GP2: variants seen among roughly 807,000 people sequenced by gnomAD.
GP2 encodes the protein glycoprotein 2.
GP2 carries 58 observed loss-of-function variants against 60.8 expected under a neutral mutation model. The observed-to-expected ratio is 0.95, with a 90% CI of 0.77 to 1.19. The LOEUF is 1.19. Among genes scored for constraint, GP2 ranks in the 50% most tolerant of loss-of-function variants. The probability of loss-of-function intolerance (pLI) is 0.00; values close to 1 mark genes in which losing one functional copy is unlikely to be tolerated. For missense variants in GP2, 647 were observed against 667.4 expected, an observed-to-expected ratio of 0.97 and a Z score of 0.34; for synonymous variants, 280 against 253.4, an observed-to-expected ratio of 1.10 and a Z score of -1.00.
In GP2 at chr16:20,311,267, A is replaced by G. The variant is rs1344467442; in HGVS notation, c.1561T>C (p.Trp521Arg). The change falls in exon 11 of 11, where the codon TGG (tryptophan) becomes CGG (arginine). Residue 521 changes from tryptophan to arginine, a missense_variant. By Grantham distance (101) the Trp-to-Arg change is moderately radical. Coordinates refer to ENST00000302555, the MANE Select transcript of GP2 (RefSeq NM_001502.4). ...AGGACAGTCAGGAGGACCATAGGCC[A>G]GGCCACCAGGAACCCTGAAATACAA... ...TPSTAGFLVAWPMVLLTVLLA... is the reference protein window; with the variant it reads ...TPSTAGFLVARPMVLLTVLLA... 6.2e-7 allele frequency: 1 copy of G among 1,606,224 alleles called. No individual in the cohort carries two copies. The highest frequency in any genetic ancestry group is 8.5e-7 in the Non-Finnish European group (1 of 1,172,910).
At position 20,311,086 on chromosome 16, in the gene GP2, C is replaced by A; in HGVS notation, c.*137G>T. 1.6e-6 allele frequency: 1 copy of A among 614,554 alleles called. No homozygotes were observed. Among genetic ancestry groups the A allele is most frequent in the South Asian group, 1.9e-5 (1 of 52,312 alleles). The allele number at this position is 614,554 out of a possible 1,614,324, so 38.1% of individuals were successfully genotyped here. On this transcript the variant is annotated 3_prime_UTR_variant, in exon 11 of 11. Coordinates refer to ENST00000302555, the MANE Select transcript of GP2 (RefSeq NM_001502.4). ...GTTTTAAAGAAGGTGAAAGCTCTTC[C>A]CTTTTCCTAACCTAGCTTGGCCTTG...
chr16:20,320,473 T>C lies in GP2; in HGVS notation c.647A>G (p.Asp216Gly), dbSNP rs756177463. The C allele has an allele frequency of 1.9e-6, 3 of 1,608,636 alleles. No individual in the cohort carries two copies. The highest frequency in any genetic ancestry group is 1.7e-6 in the Non-Finnish European group (2 of 1,175,410). The change falls in exon 5 of 11, where the codon GAT (aspartate) becomes GGT (glycine). Residue 216 changes from aspartate (D) to glycine (G), a missense_variant and splice_region_variant. Transcript: ENST00000302555. ...CFCRQDLNSS[D>G]VHSLQPQLDC... ...TAGCTGAGGCTGCAAACTGTGGACA[T>C]CTGCAAAGCAGAGATGAAGGCAAGT...
intron 10 of GP2, among the ~76,000 whole-genome samples, chr16:20,312,675 A>G (rs1318034147): frequency 1.4e-5 from 2 of 147,800 alleles, no homozygotes; most frequent in African/African-American, 5.1e-5. Context: ...TTTTTGATGG[A>G]GTTTTGCTTT....
chr16:20,314,317 T>C (rs1405832193), intron 10 of GP2, among the ~76,000 whole-genome samples: 1 of 151,492 alleles, frequency 6.6e-6, no homozygotes, highest in African/African-American at 2.4e-5. Context: ...GCATTATCTA[T>C]CACATCACTT....
chr16:20,317,719 G>T (rs1260979232), intron 7 of GP2, among the ~76,000 whole-genome samples: 2 of 152,092 alleles, frequency 1.3e-5, no homozygotes, highest in Non-Finnish European at 2.9e-5. Context: ...TCCACATATT[G>T]CTTGGCACAT....
chr16:20,327,036 T>G (rs1166974307), intron 1 of GP2: 1 of 164,358 alleles, frequency 6.1e-6, no homozygotes, highest in Non-Finnish European at 1.3e-5. Context: ...TGGCATTTAC[T>G]TTTCTGGGAA....
Position 20,319,654 on chromosome 16 carries a change from C to A in GP2, c.973G>T (p.Val325Phe). Reference protein sequence around the residue: ...FQCAYPLDMKVSLQAALQPIV... With the variant: ...FQCAYPLDMKFSLQAALQPIV... ...GGCTGCAAGGCAGCTTGGAGGCTGA[C>A]TTTCATGTCCAGTGGGTAGGCACAT... Residue 325 changes from valine to phenylalanine, a missense_variant, in exon 6 of 11, where the codon GTC becomes TTC. By Grantham distance (50) the Val-to-Phe change is conservative. Transcript: ENST00000302555. The A allele has an allele frequency of 2.5e-6, 4 of 1,612,764 alleles. No homozygotes were observed. Among genetic ancestry groups the A allele is most frequent in the Non-Finnish European group, 3.4e-6 (4 of 1,178,756 alleles).
chr16:20,326,357 C>T lies in GP2; in HGVS notation c.75G>A (p.Gln25=), dbSNP rs531475464. Residue 25 remains glutamine (Q), a synonymous_variant, in exon 2 of 11, where the codon CAG becomes CAA. Coordinates refer to ENST00000302555, the MANE Select transcript of GP2 (RefSeq NM_001502.4). ...WLALVSCILT[Q]ASAVQRGYGN... Reference sequence around the variant, plus strand: ...ACTTACCTCGCTGCACTGCAGATGCCTGGGTCAGAATGCAGGAGACCAAGG... The same window carrying T: ...ACTTACCTCGCTGCACTGCAGATGCTTGGGTCAGAATGCAGGAGACCAAGG... 212 of 1,613,966 alleles carry T rather than the reference C, an allele frequency of 1.3e-4. 1 individual carries two copies. The highest frequency in any genetic ancestry group is 1.1e-3 in the South Asian group (103 of 91,080).
In GP2 at chr16:20,309,722, CTT is replaced by C. The variant is rs1963948266; in HGVS notation, c.*1499_*1500del. 6.6e-6 allele frequency: 1 copy of C among 151,334 alleles called. No homozygotes were observed. Among genetic ancestry groups the C allele is most frequent in the Non-Finnish European group, 1.5e-5 (1 of 68,032 alleles). The allele number at this position is 151,334 out of a possible 1,614,324, so 9.4% of individuals were successfully genotyped here. The stretch of plus-strand genomic sequence containing the variant: ...AAAGAGGAACAGAAGGCAAGACAAA[CTT>C]TGGTTTCTTTTGGCTTGCCAGGCCC... On this transcript the variant is annotated 3_prime_UTR_variant, in exon 11 of 11. Coordinates refer to ENST00000302555, the MANE Select transcript of GP2 (RefSeq NM_001502.4).
rs530327819 is a variant in GP2, at chr16:20,322,935, C to T, written c.580G>A (p.Glu194Lys). The T allele has an allele frequency of 3.1e-6, 5 of 1,613,278 alleles. No individual in the cohort carries two copies. The highest frequency in any genetic ancestry group is 1.1e-5 in the South Asian group (1 of 91,070). ...CTGTTGAGGGCAAGGCACTCCTCCT[C>T]GGGGCGGCAGGCCTTCTCACACTTG... The part of the protein sequence containing the change: ...EDKCEKACRP[E>K]EECLALNSTW... Residue 194 changes from glutamate (E) to lysine (K), a missense_variant, in exon 4 of 11, where the codon GAG becomes AAG. By Grantham distance (56) the Glu-to-Lys change is moderately conservative. Coordinates refer to ENST00000302555, the MANE Select transcript of GP2 (RefSeq NM_001502.4).
intron 9 of GP2, among the ~76,000 whole-genome samples, chr16:20,315,045 G>T (rs1964117969): frequency 6.6e-6 from 1 of 152,138 alleles, no homozygotes; most frequent in Admixed American, 6.5e-5. Flanking sequence ...ATTCAAAAGT[G>T]GAAGTTCCTA....
intron 4 of GP2, among the ~76,000 whole-genome samples, chr16:20,322,196 G>C (rs955918658): frequency 2.6e-5 from 4 of 152,190 alleles, no homozygotes; most frequent in African/African-American, 9.7e-5. Context: ...GTGCTCAGAG[G>C]AAGGCATGCT....
At chr16:20,316,529 C>T (rs974183317) in intron 8 of GP2, among the ~76,000 whole-genome samples, 1 of 152,120 alleles carries the variant, frequency 6.6e-6, no homozygotes, top group African/African-American at 2.4e-5. Flanking sequence ...GTGGAGTAGG[C>T]AAAATAATCT....
intron 10 of GP2, 46 bp downstream of exon 10, chr16:20,314,611 A>T (rs371817668): frequency 9.9e-6 from 13 of 1,318,538 alleles, no homozygotes; most frequent in Non-Finnish European, 1.4e-5. Flanking sequence ...GAAAAGAGAA[A>T]GGAGAGTTGG....
intron 10 of GP2, among the ~76,000 whole-genome samples, chr16:20,311,780 A>G (rs187074448): frequency 4.6e-5 from 7 of 152,292 alleles, no homozygotes; most frequent in African/African-American, 1.4e-4. Context: ...GTGGGAAACA[A>G]TACTGTCGTC....
intron 7 of GP2, among the ~76,000 whole-genome samples, 167 bp downstream of exon 7, chr16:20,318,018 G>A (rs1026825372): frequency 6.6e-6 from 1 of 152,088 alleles, no homozygotes; most frequent in African/African-American, 2.4e-5. Context: ...CTGCCCACCT[G>A]TTTAGTATTA....
chr16:20,319,736 G>A lies in GP2; in HGVS notation c.891C>T (p.Thr297=). 1 of 1,612,574 alleles carries A rather than the reference G, an allele frequency of 6.2e-7. No individual in the cohort carries two copies. The highest frequency in any genetic ancestry group is 8.5e-7 in the Non-Finnish European group (1 of 1,178,640). The stretch of plus-strand genomic sequence containing the variant: ...TGATGAAATCATTGACCAAGGAGAG[G>A]GTGTTTTTGTAGATGGCATGGGTTT... ...RNQTHAIYKN[T]LSLVNDFIIR... is the part of the protein sequence containing the mutation. Residue 297 remains threonine (T), a synonymous_variant, in exon 6 of 11, where the codon ACC becomes ACT. Transcript: ENST00000302555.
Position 20,324,119 on chromosome 16 carries a change from T to C in GP2, c.232A>G (p.Asn78Asp). 6.2e-7 allele frequency: 1 copy of C among 1,614,118 alleles called. No individual in the cohort carries two copies. Among genetic ancestry groups the C allele is most frequent in the African/African-American group, 1.3e-5 (1 of 75,042 alleles). Residue 78 changes from asparagine to aspartate, a missense_variant, in exon 3 of 11, where the codon AAC becomes GAC. By Grantham distance (23) the Asn-to-Asp change is conservative. Transcript: ENST00000302555. ...LLDEPFRSTE[N>D]SAGSQGCDKN... is the part of the protein sequence containing the mutation. Reference sequence around the variant, plus strand: ...TCGCACCCCTGGGACCCTGCTGAGTTCTCTGTGCTTCGGAAGGGTTCATCC... The same window carrying C: ...TCGCACCCCTGGGACCCTGCTGAGTCCTCTGTGCTTCGGAAGGGTTCATCC...
chr16:20,315,997 T>A lies in GP2; in HGVS notation c.1460A>T (p.Asp487Val). Reference protein sequence around the residue: ...SQVRSEVPAIDLARVLDLGPI... With the variant: ...SQVRSEVPAIVLARVLDLGPI... ...CCCCAAATCTAGAACCCGGGCTAGG[T>A]CGATGGCCGGTACTTCACTGCGGAC... Residue 487 changes from aspartate to valine, a missense_variant, in exon 9 of 11, where the codon GAC (aspartate) becomes GTC (valine). Physicochemically the swap from Asp to Val is radical, Grantham distance 152 (BLOSUM62 -3). Coordinates refer to ENST00000302555, the MANE Select transcript of GP2 (RefSeq NM_001502.4). 1 of 1,613,452 alleles carries A rather than the reference T, an allele frequency of 6.2e-7. No individual in the cohort carries two copies. Among genetic ancestry groups the A allele is most frequent in the Non-Finnish European group, 8.5e-7 (1 of 1,179,462 alleles).
Sources: gnomAD v4.1 joint callset for allele counts (sites outside exome capture counted in the v4.1 genomes callset) on GRCh38, gnomAD v4.1.1 for gene constraint, MANE v1.5 for transcripts, NCBI Gene and HGNC (gene_info 2026-07-23, HGNC 2026-07-21) for gene names.